DENND3: variants seen among roughly 807,000 people sequenced by gnomAD.
The protein encoded by DENND3 is DENN domain-containing protein 3.
A neutral mutation model predicts 135.1 loss-of-function variants in DENND3; 88 were observed. That is an observed-to-expected ratio of 0.65 (90% CI 0.55 to 0.78). The LOEUF (loss-of-function observed/expected upper bound fraction) is 0.78. DENND3 is among the 30% of genes least tolerant of loss of function. The pLI is 0.00. For synonymous variants in DENND3, 693 were observed against 712.3 expected, an observed-to-expected ratio of 0.97 and a Z score of 0.43; for missense variants, 1,392 against 1,688.4, an observed-to-expected ratio of 0.82 and a Z score of 3.08.
At position 141,150,921 on chromosome 8, in the gene DENND3, T is replaced by C. The variant is rs1380228936; in HGVS notation, c.823T>C (p.Leu275=). Residue 275 remains leucine (L), a synonymous_variant, in exon 6 of 23, where the codon TTG becomes CTG. Coordinates refer to ENST00000519811, the MANE Select transcript of DENND3 (RefSeq NM_001352890.3). Reference sequence around the variant, plus strand: ...CCTGGACCTGGACCTTCACCTGCCCTTGCTGTGCTTCAGGCCTGAGAAGGT... The same window carrying C: ...CCTGGACCTGGACCTTCACCTGCCCCTGCTGTGCTTCAGGCCTGAGAAGGT... ...PILDLDLHLP[L]LCFRPEKVLQ... 3 of 1,607,780 alleles carry C rather than the reference T, an allele frequency of 1.9e-6. No individual in the cohort carries two copies. Among genetic ancestry groups the C allele is most frequent in the Non-Finnish European group, 2.5e-6 (3 of 1,178,266 alleles).
intron 17 of DENND3, among the ~76,000 whole-genome samples, chr8:141,181,537 T>G (rs1330302098): frequency 6.6e-6 from 1 of 152,168 alleles, no homozygotes; most frequent in Non-Finnish European, 1.5e-5. Context: ...CTCCTGTGCT[T>G]GGCTTTCCTG....
chr8:141,180,809 G>A lies in DENND3; in HGVS notation c.2899G>A (p.Gly967Arg). ...TLKHKINPSA[G>R]EAFPQAVDVL... ...GAAGCATAAAATCAACCCCTCGGCG[G>A]GGGAGGCGTTCCCACAAGCGGTGGA... The change falls in exon 17 of 23, where the codon GGG (glycine) becomes AGG (arginine). Residue 967 changes from glycine (G) to arginine (R), a missense_variant. Physicochemically the swap from Gly to Arg is moderately radical, Grantham distance 125 (BLOSUM62 -2). Transcript: ENST00000519811. The A allele has an allele frequency of 1.9e-6, 3 of 1,613,452 alleles. No individual in the cohort carries two copies. Among genetic ancestry groups the A allele is most frequent in the Non-Finnish European group, 2.5e-6 (3 of 1,179,650 alleles).
At chr8:141,156,823 G>A (rs554959850) in intron 8 of DENND3, among the ~76,000 whole-genome samples, 2 of 129,208 alleles carry the variant, frequency 1.5e-5, no homozygotes, top group South Asian at 2.4e-4. Context: ...ATGGAGTCTC[G>A]CACTGTTGCC....
chr8:141,192,765 C>T (rs531072833), intron 22 of DENND3, 102 bp downstream of exon 22: 269 of 1,603,414 alleles, frequency 1.7e-4, no homozygotes, highest in Non-Finnish European at 2.3e-4. Flanking sequence ...CTCGTGCCCT[C>T]CTGCCTTCGC....
At chr8:141,145,833 A>T (rs1286467983) in intron 5 of DENND3, among the ~76,000 whole-genome samples, 30 of 32,040 alleles carry the variant, frequency 9.4e-4, no homozygotes, top group African/African-American at 6.2e-3. Context: ...ATATATATAT[A>T]TATATATATA....
At position 141,195,786 on chromosome 8, in the gene DENND3, A is replaced by C. The variant is rs1440865328; in HGVS notation, c.*1553A>C. ...CAGGTATCTTCAGCTTGTGGAGAAT[A>C]AATCTGGTTTAATAAACACTGATGT... On this transcript the variant is annotated 3_prime_UTR_variant, in exon 23 of 23. Coordinates refer to ENST00000519811, the MANE Select transcript of DENND3 (RefSeq NM_001352890.3). 1 of 152,150 alleles carries C rather than the reference A, an allele frequency of 6.6e-6. No individual in the cohort carries two copies. The highest frequency in any genetic ancestry group is 1.5e-5 in the Non-Finnish European group (1 of 68,024). 9.4% of individuals were successfully genotyped at this position (152,150 alleles called of 1,614,324 possible).
chr8:141,175,061 C>G lies in DENND3; in HGVS notation c.2276-139C>G. The G allele has an allele frequency of 1.0e-6, 1 of 986,246 alleles. No individual in the cohort carries two copies. The allele number at this position is 986,246 out of a possible 1,614,324, so 61.1% of individuals were successfully genotyped here. A position where few individuals can be genotyped will look rare whatever the true frequency, so the allele number is the denominator to read the frequency against. ...CCCTGGGAAACCTTCTAGGCAGTTTCCATCCAGCGCCCTGAGTGCTGGCGC... is the reference window on the plus strand; with the variant it reads ...CCCTGGGAAACCTTCTAGGCAGTTTGCATCCAGCGCCCTGAGTGCTGGCGC... On this transcript the variant is annotated intron_variant, in intron 13 of 22. Transcript: ENST00000519811. The surrounding 1 kb of genome is among the most constrained non-coding windows in gnomAD (Gnocchi z 5.4).
rs931923091 is a variant in DENND3 at position 141,144,564 on chromosome 8, C to T, written c.735+305C>T. Among the ~76,000 whole-genome samples the T allele has an allele frequency of 7.9e-5, 12 of 152,034 alleles. No individual in the cohort carries two copies. Among genetic ancestry groups the T allele is most frequent in the African/African-American group, 2.9e-4 (12 of 41,414 alleles). ...TTGTGTATAGGGTTGTAAACTAAAA[C>T]GAAAATCCTAAGCCTCCCTACTGAC... On this transcript the variant is annotated intron_variant, in intron 5 of 22. Transcript: ENST00000519811. The surrounding 1 kb of genome is among the most constrained non-coding windows in gnomAD (Gnocchi z 4.4).
At chr8:141,133,357 C>G (rs1358219799) in intron 1 of DENND3, among the ~76,000 whole-genome samples, 1 of 152,198 alleles carries the variant, frequency 6.6e-6, no homozygotes, top group Non-Finnish European at 1.5e-5. Context: ...GATACAGTAT[C>G]ATGATGTGGC....
At position 141,161,967 on chromosome 8, in the gene DENND3, C is replaced by G. The variant is rs1203896375; in HGVS notation, c.1352+1180C>G. On this transcript the variant is annotated intron_variant, in intron 9 of 22. Coordinates refer to ENST00000519811, the MANE Select transcript of DENND3 (RefSeq NM_001352890.3). ...AGGCGCCTGCCACCACCACGCCTAA[C>G]TAATTTTTTCTATTTTTAGTAGAGA... 2.0e-5 allele frequency among the ~76,000 whole-genome samples: 3 copies of G among 152,042 alleles called. No homozygotes were observed. The East Asian group carries it at 5.8e-4, about 29-fold the overall frequency.
intron 20 of DENND3, among the ~76,000 whole-genome samples, chr8:141,190,893 G>A (rs1011618460): frequency 1.3e-5 from 2 of 152,232 alleles, no homozygotes; most frequent in African/African-American, 2.4e-5. Context: ...ATTTTGCCAG[G>A]GGGGCGATGG....
Position 141,192,596 on chromosome 8 carries a change from A to C in DENND3, c.3569A>C (p.Gln1190Pro). The C allele has an allele frequency of 6.3e-7, 1 of 1,585,956 alleles. No individual in the cohort carries two copies. The highest frequency in any genetic ancestry group is 8.6e-7 in the Non-Finnish European group (1 of 1,163,120). The change falls in exon 22 of 23, where the codon CAG (glutamine) becomes CCG (proline). Residue 1190 changes from glutamine (Q) to proline (P), a missense_variant. Physicochemically the swap from Gln to Pro is moderately conservative, Grantham distance 76 (BLOSUM62 -1). Coordinates refer to ENST00000519811, the MANE Select transcript of DENND3 (RefSeq NM_001352890.3). ...VYIWSLKDLA[Q>P]PPQRVPLEDC... is the part of the protein sequence containing the mutation. ...ATCTGGAGCCTGAAGGACCTGGCCC[A>C]GCCCCCGCAGAGGGTGCCCCTCGAG... is the stretch of plus-strand genomic sequence containing the variant.
chr8:141,176,787 C>G (rs376102300), intron 15 of DENND3, 26 bp downstream of exon 15: 23 of 1,604,048 alleles, frequency 1.4e-5, no homozygotes, highest in Non-Finnish European at 1.9e-5. Flanking sequence ...CCCCTCTGCC[C>G]TTTGCTGTGG....
intron 3 of DENND3, among the ~76,000 whole-genome samples, chr8:141,140,540 T>A (rs1817322408): frequency 6.6e-6 from 1 of 152,360 alleles, no homozygotes; most frequent in Non-Finnish European, 1.5e-5. Flanking sequence ...AGACTGACCC[T>A]AGAAAAGTGG....
intron 7 of DENND3, among the ~76,000 whole-genome samples, chr8:141,153,572 C>G (rs562082783): frequency 6.6e-6 from 1 of 152,166 alleles, no homozygotes; most frequent in South Asian, 2.1e-4. Flanking sequence ...GGGAAGGGCC[C>G]GTTGGCTGGG....
At position 141,182,923 on chromosome 8, in the gene DENND3, T is replaced by C. The variant is rs746871418; in HGVS notation, c.2944+2069T>C. ...CTCACCCATGGGAGCAACAGACCAC[T>C]GGAATCGCACCCCAGAAAGACCGGG... On this transcript the variant is annotated intron_variant, in intron 17 of 22. Coordinates refer to ENST00000519811, the MANE Select transcript of DENND3 (RefSeq NM_001352890.3). The surrounding 1 kb of genome is among the most constrained non-coding windows in gnomAD (Gnocchi z 5.9). Among the ~76,000 whole-genome samples the C allele has an allele frequency of 6.6e-6, 1 of 152,204 alleles. No individual in the cohort carries two copies. The highest frequency in any genetic ancestry group is 1.9e-4 in the East Asian group (1 of 5,188).
chr8:141,166,403 C>G lies in DENND3; in HGVS notation c.1753+14C>G. 6.2e-7 allele frequency: 1 copy of G among 1,606,928 alleles called. No individual in the cohort carries two copies. Among genetic ancestry groups the G allele is most frequent in the East Asian group, 2.2e-5 (1 of 44,826 alleles). ...GCAGCAGCGCAGGTGAGGGCTGCCC[C>G]CCACTGTGGTGCTGTGTGTCGGTCC... is the stretch of plus-strand genomic sequence containing the variant. On this transcript the variant is annotated intron_variant, in intron 12 of 22. Coordinates refer to ENST00000519811, the MANE Select transcript of DENND3 (RefSeq NM_001352890.3). This position sits in a 1 kb window ranked among gnomAD's most constrained non-coding sequence, Gnocchi z 4.3.
intron 1 of DENND3, among the ~76,000 whole-genome samples, chr8:141,134,582 A>G (rs1341641382): frequency 6.6e-6 from 1 of 151,820 alleles, no homozygotes; most frequent in East Asian, 1.9e-4. Context: ...CGGATTTCCC[A>G]TGTTTTGTCC....
At chr8:141,150,647 G>A (rs372664070) in intron 5 of DENND3, among the ~76,000 whole-genome samples, 187 bp from the exon 6 acceptor site, 155 of 152,328 alleles carry the variant, frequency 1.0e-3, no homozygotes, top group African/African-American at 3.6e-3. Flanking sequence ...TTATGTTTGA[G>A]CCTTTATCGG....
Sources: gnomAD v4.1 joint callset for allele counts (sites outside exome capture counted in the v4.1 genomes callset) on GRCh38, gnomAD v4.1.1 for gene constraint, Gnocchi (gnomAD v3.1) non-coding constraint, MANE v1.5 for transcripts, NCBI Gene and HGNC (gene_info 2026-07-23, HGNC 2026-07-21) for gene names.